The following SCFD2 variants were observed in gnomAD, a reference collection of about 807,000 sequenced individuals.
SCFD2 encodes the protein sec1 family domain-containing protein 2.
Under a neutral mutation model 58.9 loss-of-function variants are expected in SCFD2, and 54 were observed. The ratio of observed to expected loss-of-function variants is 0.92; its 90% CI spans 0.74 to 1.15. The LOEUF (loss-of-function observed/expected upper bound fraction) is 1.15, where lower values mean the gene tolerates loss of function less well. SCFD2 is among the 50% of genes most tolerant of loss of function. The pLI, the probability that SCFD2 is intolerant of heterozygous loss-of-function variation, is 0.00. For synonymous variants in SCFD2, 321 were observed against 335.9 expected, an observed-to-expected ratio of 0.96 and a Z score of 0.49; for missense variants, 805 against 836.6, an observed-to-expected ratio of 0.96 and a Z score of 0.47.
chr4:53,207,578 A>ATATCATATATATAATATT (rs1560385373), intron 4 of SCFD2, among the ~76,000 whole-genome samples: 1 of 456 alleles, frequency 2.2e-3, no homozygotes, highest in Non-Finnish European at 5.1e-3. Context: ...TAATATTTAT[A>ATATCATATATATAATATT]TATATATAAT....
At chr4:52,929,890 T>C (rs1719950547) in intron 5 of SCFD2, among the ~76,000 whole-genome samples, 1 of 152,206 alleles carries the variant, frequency 6.6e-6, no homozygotes, top group South Asian at 2.1e-4. Flanking sequence ...AAACATTCCA[T>C]GCTCATGGAT....
intron 5 of SCFD2, among the ~76,000 whole-genome samples, chr4:53,036,867 A>C (rs1368538726): frequency 6.6e-6 from 1 of 152,162 alleles, no homozygotes; most frequent in African/African-American, 2.4e-5. Context: ...CTACATCTAC[A>C]TGATTCCATT....
chr4:52,911,352 T>A (rs1393893483), intron 6 of SCFD2, among the ~76,000 whole-genome samples: 1 of 152,140 alleles, frequency 6.6e-6, no homozygotes, highest in Non-Finnish European at 1.5e-5. Flanking sequence ...TTGACTAAAT[T>A]TTGGGGAATG....
At position 53,278,372 on chromosome 4, in the gene SCFD2, A is replaced by AAG. The variant is rs1238021370; in HGVS notation, c.1136-4373_1136-4372dup. Reference sequence around the variant, plus strand: ...AGACTCCATCTTAAAAAAAAAAAAAAAGAAAAAAGAAAGAGAAAAATTAGC... The same window carrying AAG: ...AGACTCCATCTTAAAAAAAAAAAAAAAGAGAAAAAAGAAAGAGAAAAATTAGC... On this transcript the variant is annotated intron_variant, in intron 3 of 8. Transcript: ENST00000401642. Among the ~76,000 whole-genome samples, 12 of 151,456 alleles carry AAG rather than the reference A, an allele frequency of 7.9e-5. No individual in the cohort carries two copies. The South Asian group carries it at 1.3e-3, about 16-fold the overall frequency.
chr4:53,300,668 A>T (rs1732247912), intron 3 of SCFD2, among the ~76,000 whole-genome samples: 1 of 152,178 alleles, frequency 6.6e-6, no homozygotes, highest in Admixed American at 6.5e-5. Context: ...ACCACACCAC[A>T]CCTACTCCAA....
rs561892414 is a variant in SCFD2, at chr4:53,301,795, A to G, written c.1135+11841T>C. Among the ~76,000 whole-genome samples the G allele has an allele frequency of 1.3e-3, 203 of 152,334 alleles. 1 individual carries two copies. Among genetic ancestry groups the G allele is most frequent in the African/African-American group, 4.7e-3 (195 of 41,570 alleles). On this transcript the variant is annotated intron_variant, in intron 3 of 8. Transcript: ENST00000401642. ...ATCCCTGGGATGCAAGGTTGGTTCA[A>G]CATACGAAAATCAATAAACGTAATC... is the stretch of plus-strand genomic sequence containing the variant.
chr4:53,046,536 C>G (rs761344935), intron 5 of SCFD2, among the ~76,000 whole-genome samples: 2 of 150,950 alleles, frequency 1.3e-5, no homozygotes, highest in African/African-American at 2.5e-5. Flanking sequence ...TTAAAGAGCA[C>G]AGATTTTTTT....
At chr4:52,960,315 C>T (rs1346168290) in intron 5 of SCFD2, among the ~76,000 whole-genome samples, 1 of 151,944 alleles carries the variant, frequency 6.6e-6, no homozygotes, top group Non-Finnish European at 1.5e-5. Context: ...ATGCGGCCAC[C>T]AGGCCCATGG....
chr4:53,217,015 T>C (rs2148989895), intron 4 of SCFD2, among the ~76,000 whole-genome samples: 1 of 152,302 alleles, frequency 6.6e-6, no homozygotes, highest in Non-Finnish European at 1.5e-5. Flanking sequence ...GAGAGACAGT[T>C]TGTTATAATT....
chr4:53,300,150 T>G (rs1309055443), intron 3 of SCFD2, among the ~76,000 whole-genome samples: 1 of 152,140 alleles, frequency 6.6e-6, no homozygotes, highest in Non-Finnish European at 1.5e-5. Context: ...AGACACAGAC[T>G]GGCAAATTGG....
intron 5 of SCFD2, among the ~76,000 whole-genome samples, chr4:52,970,586 T>A (rs549858587): frequency 1.3e-5 from 2 of 152,304 alleles, no homozygotes; most frequent in Non-Finnish European, 2.9e-5. Context: ...ACTCCACCCC[T>A]GGGGGCAGGG....
rs1439582307 is a variant in SCFD2 at position 53,184,790 on chromosome 4, TATC to T, written c.1312-39211_1312-39209del. On this transcript the variant is annotated intron_variant, in intron 4 of 8. Coordinates refer to ENST00000401642, the MANE Select transcript of SCFD2 (RefSeq NM_152540.4). Reference sequence around the variant, plus strand: ...TGCAAAAAGAACTACTCTTGTTTGTTATCATGAGGCTTTGTAGAAGCTTGGAAA... The same window carrying T: ...TGCAAAAAGAACTACTCTTGTTTGTTATGAGGCTTTGTAGAAGCTTGGAAA... Among the ~76,000 whole-genome samples, 5 of 152,076 alleles carry T rather than the reference TATC, an allele frequency of 3.3e-5. No individual in the cohort carries two copies. In the East Asian group the frequency reaches 9.7e-4, roughly 29 times the overall value.
At chr4:53,016,770 T>C (rs1722223536) in intron 5 of SCFD2, among the ~76,000 whole-genome samples, 1 of 152,102 alleles carries the variant, frequency 6.6e-6, no homozygotes, top group Non-Finnish European at 1.5e-5. Flanking sequence ...CTTGAAGAAA[T>C]ATGAATCTTT....
At chr4:53,249,108 T>A (rs1165972687) in intron 4 of SCFD2, among the ~76,000 whole-genome samples, 1 of 152,044 alleles carries the variant, frequency 6.6e-6, no homozygotes, top group East Asian at 1.9e-4. Flanking sequence ...GAGAAGTGCT[T>A]AAAGGAGCTG....
At chr4:53,235,892 A>G (rs1016474670) in intron 4 of SCFD2, among the ~76,000 whole-genome samples, 1 of 152,230 alleles carries the variant, frequency 6.6e-6, no homozygotes, top group African/African-American at 2.4e-5. Flanking sequence ...TGAATAACCA[A>G]GAATAATGTA....
chr4:53,122,277 T>C (rs1406137390), intron 5 of SCFD2, among the ~76,000 whole-genome samples: 1 of 151,930 alleles, frequency 6.6e-6, no homozygotes, highest in African/African-American at 2.4e-5. Context: ...CTCAGGAGGC[T>C]GAGAAAGGAG....
At chr4:53,162,384 G>A (rs1352684056) in intron 4 of SCFD2, among the ~76,000 whole-genome samples, 1 of 152,070 alleles carries the variant, frequency 6.6e-6, no homozygotes, top group Non-Finnish European at 1.5e-5. Context: ...ACAGAACAAA[G>A]CAAAAGTCTA....
At chr4:53,084,481 C>T (rs1188892535) in intron 5 of SCFD2, among the ~76,000 whole-genome samples, 2 of 152,114 alleles carry the variant, frequency 1.3e-5, no homozygotes, top group African/African-American at 4.8e-5. Flanking sequence ...GTACAGTTAA[C>T]CCAATTATCA....
intron 2 of SCFD2, among the ~76,000 whole-genome samples, chr4:53,325,001 C>T (rs1228779053): frequency 6.6e-6 from 1 of 152,130 alleles, no homozygotes; most frequent in African/African-American, 2.4e-5. Context: ...TTGAGGCTTG[C>T]CTCACCAAGA....
Sources: gnomAD v4.1 joint callset for allele counts (sites outside exome capture counted in the v4.1 genomes callset) on GRCh38, gnomAD v4.1.1 for gene constraint, MANE v1.5 for transcripts, NCBI Gene and HGNC (gene_info 2026-07-23, HGNC 2026-07-21) for gene names.